LNX1: variants seen among roughly 807,000 people sequenced by gnomAD.
LNX1 encodes E3 ubiquitin-protein ligase LNX.
Under a neutral mutation model 68.4 loss-of-function variants are expected in LNX1, and 54 were observed. The observed-to-expected ratio is 0.79, with a 90% confidence interval of 0.63 to 0.99. The LOEUF (loss-of-function observed/expected upper bound fraction) is 0.99, where lower values mean the gene tolerates loss of function less well. Among genes scored for constraint, LNX1 ranks in the 50% least tolerant of loss-of-function variants. LNX1 has a pLI of 0.00. For missense variants in LNX1, 906 were observed against 926.4 expected, an observed-to-expected ratio of 0.98 and a Z score of 0.29; for synonymous variants, 336 against 350.0, an observed-to-expected ratio of 0.96 and a Z score of 0.45.
At chr4:53,598,539 G>A (rs1212213560) in intron 2 of LNX1, among the ~76,000 whole-genome samples, 1 of 152,160 alleles carries the variant, frequency 6.6e-6, no homozygotes, top group Admixed American at 6.5e-5. Context: ...GGCCCTGACT[G>A]TAATTTTTAA....
At chr4:53,635,107 C>G (rs371372169) in intron 1 of LNX1, among the ~76,000 whole-genome samples, 12 of 152,314 alleles carry the variant, frequency 7.9e-5, no homozygotes, top group Admixed American at 4.6e-4. Flanking sequence ...TGGAATAGCA[C>G]GCATGAGCCA....
chr4:53,469,480 T>A (rs1462379204), intron 9 of LNX1, among the ~76,000 whole-genome samples: 2 of 151,880 alleles, frequency 1.3e-5, no homozygotes, highest in South Asian at 2.1e-4. Context: ...AGGCAAGAAA[T>A]AACTAAGATC....
chr4:53,595,349 G>T (rs938191386), upstream of LNX1, among the ~76,000 whole-genome samples: 1 of 152,152 alleles, frequency 6.6e-6, no homozygotes, highest in Non-Finnish European at 1.5e-5. Context: ...AAAGAGCCTC[G>T]GGAACCTCAA....
At chr4:53,626,371 A>G (rs1388245849) in intron 1 of LNX1, among the ~76,000 whole-genome samples, 2 of 152,238 alleles carry the variant, frequency 1.3e-5, no homozygotes, top group African/African-American at 4.8e-5. Flanking sequence ...AATGAATTGT[A>G]CACTTTAAAA....
At chr4:53,507,530 C>T (rs1725983493) in intron 3 of LNX1, 61 bp from the exon 4 acceptor site, 2 of 1,538,552 alleles carry the variant, frequency 1.3e-6, no homozygotes, top group Admixed American at 1.7e-5. Context: ...CATTTATGTA[C>T]ATATCTGATA....
In LNX1 at chr4:53,573,799, G is replaced by A; in HGVS notation, c.204C>T (p.Phe68=). 1.9e-6 allele frequency: 3 copies of A among 1,613,100 alleles called. No individual in the cohort carries two copies. Among genetic ancestry groups the A allele is most frequent in the Middle Eastern group, 1.6e-4 (1 of 6,062 alleles). ...TGGGACAGAAGTCCTTCTCCACCAG[G>A]AAGTTGGTGAGGCAGAGGGTGCAGT... ...HTYCTLCLTN[F]LVEKDFCPMD... Residue 68 remains phenylalanine (F), a synonymous_variant, in exon 2 of 11, where the codon TTC becomes TTT. Transcript: ENST00000263925.
intron 6 of LNX1, among the ~76,000 whole-genome samples, chr4:53,486,188 C>T (rs1724277157): frequency 6.6e-6 from 1 of 152,266 alleles, no homozygotes. Flanking sequence ...CTCTCTTTTC[C>T]GCCCTGCGCC....
At chr4:53,584,992 C>T (rs1419536502) in intron 1 of LNX1, among the ~76,000 whole-genome samples, 11 of 152,146 alleles carry the variant, frequency 7.2e-5, no homozygotes, top group African/African-American at 2.7e-4. Context: ...GTCTTTGGTT[C>T]TTCCAATTGT....
At position 53,536,555 on chromosome 4, in the gene LNX1, T is replaced by C. The variant is rs1343619560; in HGVS notation, c.381-28328A>G. ...CATTACAAAAAAATGATTTTGGCAG[T>C]CCTGATTTACCAGCTCTGGACCAGA... is the stretch of plus-strand genomic sequence containing the variant. On this transcript the variant is annotated intron_variant, in intron 2 of 10. Coordinates refer to ENST00000263925, the MANE Select transcript of LNX1 (RefSeq NM_001126328.3). 2.6e-5 allele frequency among the ~76,000 whole-genome samples: 4 copies of C among 152,336 alleles called. No individual in the cohort carries two copies. The East Asian group carries it at 7.7e-4, about 29-fold the overall frequency.
chr4:53,552,074 A>G (rs547717181), intron 2 of LNX1, among the ~76,000 whole-genome samples: 71 of 152,236 alleles, frequency 4.7e-4, no homozygotes, highest in Non-Finnish European at 8.7e-4. Flanking sequence ...TATTGTTCCT[A>G]GTGATTCCAC....
intron 2 of LNX1, among the ~76,000 whole-genome samples, chr4:53,559,572 A>G (rs1337418796): frequency 1.3e-5 from 2 of 152,216 alleles, no homozygotes; most frequent in African/African-American, 4.8e-5. Context: ...CTTAACTCAG[A>G]GTGCTAGTAA....
intron 2 of LNX1, chr4:53,603,073 A>G (rs1733084674): frequency 1.3e-5 from 2 of 152,234 alleles, no homozygotes; most frequent in Non-Finnish European, 2.9e-5. Context: ...TCTAAAATCA[A>G]TGCTCAGATT....
chr4:53,631,517 T>C (rs1410403627), intron 1 of LNX1, among the ~76,000 whole-genome samples: 3 of 152,178 alleles, frequency 2.0e-5, no homozygotes, highest in African/African-American at 7.2e-5. Context: ...CCCAATATAA[T>C]TCCAAATCTC....
At chr4:53,608,537 C>T (rs1051969474) in intron 2 of LNX1, among the ~76,000 whole-genome samples, 4 of 152,066 alleles carry the variant, frequency 2.6e-5, no homozygotes, top group Non-Finnish European at 5.9e-5. Context: ...GTTCAGCCAC[C>T]GTGGAAAGCA....
intron 5 of LNX1, among the ~76,000 whole-genome samples, chr4:53,496,790 C>T (rs541858961): frequency 2.3e-4 from 35 of 152,332 alleles, no homozygotes; most frequent in African/African-American, 6.0e-4. Flanking sequence ...CATTAAACAG[C>T]TCTTCAAGCC....
chr4:53,598,310 G>A (rs889702912), intron 2 of LNX1, among the ~76,000 whole-genome samples: 1 of 150,148 alleles, frequency 6.7e-6, no homozygotes, highest in African/African-American at 2.5e-5. Flanking sequence ...ACGGTTTACT[G>A]TAGCCTTGAC....
intron 6 of LNX1, among the ~76,000 whole-genome samples, chr4:53,486,291 G>A (rs1724285746): frequency 7.9e-6 from 1 of 126,332 alleles, no homozygotes. Flanking sequence ...AATCGGCAGA[G>A]CGCACTACAG....
chr4:53,540,391 G>T (rs1368199380), intron 2 of LNX1, among the ~76,000 whole-genome samples: 1 of 150,640 alleles, frequency 6.6e-6, no homozygotes, highest in Non-Finnish European at 1.5e-5. Context: ...CGCCTCCCCA[G>T]AAAAGATAGT....
At chr4:53,576,255 G>C in intron 1 of LNX1, 1 of 1,610,588 alleles carries the variant, frequency 6.2e-7, no homozygotes, top group Non-Finnish European at 8.5e-7. Flanking sequence ...TGCAGCTGAA[G>C]CTTTCAGATG....
Sources: gnomAD v4.1 joint callset for allele counts (sites outside exome capture counted in the v4.1 genomes callset) on GRCh38, gnomAD v4.1.1 for gene constraint, MANE v1.5 for transcripts, NCBI Gene and HGNC (gene_info 2026-07-23, HGNC 2026-07-21) for gene names.